Variants in MOK observed in about 807,000 individuals in gnomAD.
MOK encodes the protein MAPK/MAK/MRK overlapping kinase.
MOK carries 59 observed loss-of-function variants against 54.2 expected under a neutral mutation model. The observed-to-expected ratio is 1.09, with a 90% CI of 0.88 to 1.35. The LOEUF (loss-of-function observed/expected upper bound fraction) is 1.35. MOK is among the 40% of genes most tolerant of loss of function. MOK has a pLI of 0.00. For synonymous variants in MOK, 210 were observed against 202.7 expected (o/e 1.04, Z -0.31); for missense variants, 517 against 526.2 (o/e 0.98, Z 0.17).
rs760736678 is a variant in MOK at position 102,229,411 on chromosome 14, G to T, written c.1183-45C>A. ...GACACAAAATTCAGTGGCGGCCTGG[G>T]CTGGGTCGAAGAGCAGCGCCGTCAG... is the stretch of plus-strand genomic sequence containing the variant. On this transcript the variant is annotated intron_variant, in intron 11 of 11. Coordinates refer to ENST00000361847, the MANE Select transcript of MOK (RefSeq NM_014226.3). 1.2e-5 allele frequency: 19 copies of T among 1,613,944 alleles called. 1 individual carries two copies. Among genetic ancestry groups the T allele is most frequent in the Non-Finnish European group, 1.6e-5 (19 of 1,179,924 alleles).
At chr14:102,226,450 G>A, downstream of MOK, 1 of 702,688 alleles carries the variant, frequency 1.4e-6, no homozygotes, top group Non-Finnish European at 2.6e-6. This position sits in a 1 kb window ranked among gnomAD's most constrained non-coding sequence, Gnocchi z 4.8. Flanking sequence ...TTGCACAGAA[G>A]AATGGAAATA....
In MOK at chr14:102,298,283, G is replaced by A. The variant is rs540467567; in HGVS notation, c.7+6679C>T. On this transcript the variant is annotated intron_variant, in intron 1 of 11. Coordinates refer to ENST00000361847, the MANE Select transcript of MOK (RefSeq NM_014226.3). ...ACTCTGTATCTAGCTAATCTGGTGG[G>A]GACTTGCAGAACCTTTATGTCTAGC... 3.3e-5 allele frequency among the ~76,000 whole-genome samples: 5 copies of A among 151,694 alleles called. No individual in the cohort carries two copies. In the South Asian group the frequency reaches 1.0e-3, roughly 32 times the overall value.
At chr14:102,272,253 C>G (rs2068434251) in intron 2 of MOK, among the ~76,000 whole-genome samples, 1 of 152,182 alleles carries the variant, frequency 6.6e-6, no homozygotes, top group African/African-American at 2.4e-5. Flanking sequence ...CTTTGGGAGG[C>G]CAAGTCTGGC....
rs149225385 is a variant in MOK, at chr14:102,232,635, G to T, written c.766C>A (p.Pro256Thr). ...GCGTGCAGGAGGGAGAGGCATTGTG[G>T]GGACAAATTGGTTGTTAGTAGAGGT... ...GIPLLTTNLSPQCLSLLHAMV... is the reference protein window; with the variant it reads ...GIPLLTTNLSTQCLSLLHAMV... The change falls in exon 9 of 12, where the codon CCA becomes ACA. Residue 256 changes from proline (P) to threonine (T), a missense_variant. Transcript: ENST00000361847. The surrounding 1 kb of genome is among the most constrained non-coding windows in gnomAD (Gnocchi z 5.1). 8.1e-5 allele frequency: 131 copies of T among 1,614,060 alleles called. No individual in the cohort carries two copies. The African/African-American group carries it at 1.5e-3, about 19-fold the overall frequency.
At chr14:102,252,053 GAAATAA>G (rs1255408688) in intron 4 of MOK, 58 bp from the exon 5 acceptor site, 1 of 968,058 alleles carries the variant, frequency 1.0e-6, no homozygotes, top group Non-Finnish European at 1.6e-6. Context: ...CCTCTTTTTT[GAAATAA>G]AAATAATCTA....
intron 2 of MOK, among the ~76,000 whole-genome samples, chr14:102,278,375 T>A (rs904138885): frequency 2.0e-5 from 3 of 147,464 alleles, no homozygotes; most frequent in Non-Finnish European, 4.4e-5. Context: ...ATATTATACT[T>A]TTAAGTAAAA....
chr14:102,251,093 C>T, intron 6 of MOK, 103 bp from the exon 7 acceptor site: 1 of 1,237,546 alleles, frequency 8.1e-7, no homozygotes, highest in East Asian at 2.4e-5. Flanking sequence ...TTACTAGCAT[C>T]TAAAGTAGTC....
At chr14:102,292,861 T>C (rs1247713252) in intron 1 of MOK, among the ~76,000 whole-genome samples, 2 of 152,128 alleles carry the variant, frequency 1.3e-5, no homozygotes, top group Non-Finnish European at 2.9e-5. Context: ...AGGCTGGGTG[T>C]GGTAGCTCAT....
intron 2 of MOK, among the ~76,000 whole-genome samples, chr14:102,267,068 C>T (rs1185897192): frequency 1.3e-5 from 2 of 152,242 alleles, no homozygotes; most frequent in African/African-American, 2.4e-5. Flanking sequence ...CACTTCACCA[C>T]GGTAGGCCCA....
At chr14:102,251,543 C>G (rs140131651) in intron 6 of MOK, 30 of 638,248 alleles carry the variant, frequency 4.7e-5, no homozygotes, top group Non-Finnish European at 8.1e-5. Context: ...ATGGTGCTTT[C>G]AATTATTTTC....
chr14:102,286,560 G>A (rs1184065898), intron 1 of MOK, among the ~76,000 whole-genome samples: 1 of 152,032 alleles, frequency 6.6e-6, no homozygotes, highest in Non-Finnish European at 1.5e-5. Context: ...GCAGTGAGTA[G>A]GGATCGCACT....
chr14:102,224,662 C>T (rs1225014686), downstream of MOK: 1 of 456,048 alleles, frequency 2.2e-6, no homozygotes, highest in East Asian at 6.9e-5. Context: ...CGGAAAACTT[C>T]ACATCAGCTC....
chr14:102,223,029 A>G (rs2153073723), downstream of MOK: 6 of 898,834 alleles, frequency 6.7e-6, no homozygotes, highest in East Asian at 1.6e-4. Flanking sequence ...TGACCGGCTC[A>G]CTCTGCGGCG....
intron 4 of MOK, among the ~76,000 whole-genome samples, chr14:102,253,256 T>A (rs1319298385): frequency 6.6e-6 from 1 of 152,236 alleles, no homozygotes; most frequent in African/African-American, 2.4e-5. Flanking sequence ...ATACAATGTG[T>A]AAGGATGAAA....
chr14:102,298,986 G>A (rs2071813768), intron 1 of MOK, among the ~76,000 whole-genome samples: 1 of 152,068 alleles, frequency 6.6e-6, no homozygotes, highest in South Asian at 2.1e-4. Flanking sequence ...CCAGAAGGAA[G>A]AAACTCTCAA....
Position 102,231,269 on chromosome 14 carries a change from C to G in MOK, c.981+438G>C, listed in dbSNP as rs953080616. ...GACGAAGTGCTCATCTGGAGCCAGG[C>G]AGAGACAGTGACTTGAGACCTGTCA... On this transcript the variant is annotated intron_variant, in intron 10 of 11. Coordinates refer to ENST00000361847, the MANE Select transcript of MOK (RefSeq NM_014226.3). The surrounding 1 kb of genome is among the most constrained non-coding windows in gnomAD (Gnocchi z 4.4). The G allele has an allele frequency of 6.4e-6, 1 of 155,658 alleles. No homozygotes were observed. Among genetic ancestry groups the G allele is most frequent in the African/African-American group, 2.4e-5 (1 of 41,576 alleles). 9.6% of individuals were successfully genotyped at this position (155,658 alleles called of 1,614,324 possible). A position where few individuals can be genotyped will look rare whatever the true frequency, so the allele number is the denominator to read the frequency against.
At chr14:102,269,311 TGAGTAGCTG>T (rs1349563225) in intron 2 of MOK, among the ~76,000 whole-genome samples, 2 of 149,622 alleles carry the variant, frequency 1.3e-5, no homozygotes, top group Admixed American at 1.3e-4. Context: ...CTCAGCCTCC[TGAGTAGCTG>T]GGATTACAGG....
chr14:102,216,665 C>T, the MOK span, among the ~76,000 whole-genome samples: 1 of 152,318 alleles, frequency 6.6e-6, no homozygotes, highest in East Asian at 1.9e-4. Flanking sequence ...CATGGTGGCT[C>T]ATGCCTGTAA....
downstream of MOK, chr14:102,226,490 C>T (rs1462963978): frequency 4.3e-6 from 3 of 700,000 alleles, no homozygotes; most frequent in South Asian, 3.0e-5. The surrounding 1 kb of genome is among the most constrained non-coding windows in gnomAD (Gnocchi z 4.8). Flanking sequence ...ACGAGCTTTC[C>T]AGTTTGGGGT....
Sources: allele counts gnomAD v4.1 joint callset (sites outside exome capture counted in the v4.1 genomes callset), GRCh38; gene constraint gnomAD v4.1.1; non-coding constraint Gnocchi (gnomAD v3.1); transcripts MANE v1.5; gene names NCBI Gene and HGNC (gene_info 2026-07-23, HGNC 2026-07-21).